CEP170B: variants seen among roughly 807,000 people sequenced by gnomAD.
CEP170B encodes centrosomal protein of 170 kDa protein B.
In CEP170B, 55 loss-of-function variants were observed where a neutral mutation model predicts 120.6. The observed-to-expected ratio is 0.46, with a 90% CI of 0.37 to 0.57. The LOEUF (loss-of-function observed/expected upper bound fraction) is 0.57, where lower values mean the gene tolerates loss of function less well. Ranked by LOEUF, CEP170B falls within the 20% of genes least tolerant of loss-of-function variation. The pLI is 0.00. For synonymous variants in CEP170B, 1,033 were observed against 954.5 expected (o/e 1.08, Z -1.52); for missense variants, 2,212 against 2,253.3 (o/e 0.98, Z 0.37).
In CEP170B at chr14:104,872,297, T is replaced by TGCGTGTGTGC. The variant is rs1433898147; in HGVS notation, c.105+3744_105+3745insGTGTGTGCGC. Among the ~76,000 whole-genome samples, 66 of 78,572 alleles carry TGCGTGTGTGC rather than the reference T, an allele frequency of 8.4e-4. 6 individuals carry two copies. Among genetic ancestry groups the TGCGTGTGTGC allele is most frequent in the African/African-American group, 2.3e-3 (63 of 27,060 alleles). 51.5% of individuals were successfully genotyped at this position (78,572 alleles called of 152,430 possible). On this transcript the variant is annotated intron_variant, in intron 2 of 18. Coordinates refer to ENST00000414716, the MANE Select transcript of CEP170B (RefSeq NM_001112726.3). ...GTGCCGTGTGTGTGCCGCGTGTGTG[T>TGCGTGTGTGC]GCCATGGGTGTGCGTGTGTGCCGTG...
At position 104,870,864 on chromosome 14, in the gene CEP170B, C is replaced by T. The variant is rs1360139504; in HGVS notation, c.105+2309C>T. Among the ~76,000 whole-genome samples, 1 of 152,056 alleles carries T rather than the reference C, an allele frequency of 6.6e-6. No homozygotes were observed. Among genetic ancestry groups the T allele is most frequent in the African/African-American group, 2.4e-5 (1 of 41,398 alleles). On this transcript the variant is annotated intron_variant, in intron 2 of 18. Coordinates refer to ENST00000414716, the MANE Select transcript of CEP170B (RefSeq NM_001112726.3). This position sits in a 1 kb window ranked among gnomAD's most constrained non-coding sequence, Gnocchi z 4.1. ...TGGGGAAACTGAGGCTCAGGGAGGC[C>T]TTGCAGGTGTGGCGAGTGTGGGAAG... is the stretch of plus-strand genomic sequence containing the variant.
chr14:104,889,171 G>A (rs1896665165), intron 12 of CEP170B, among the ~76,000 whole-genome samples: 1 of 152,182 alleles, frequency 6.6e-6, no homozygotes, highest in Admixed American at 6.5e-5. Context: ...GGTCCTGGTG[G>A]GGAGGTTTAC....
intron 12 of CEP170B, 45 bp downstream of exon 12, chr14:104,888,023 C>A: frequency 6.9e-7 from 1 of 1,442,994 alleles, no homozygotes; most frequent in Non-Finnish European, 9.1e-7. Context: ...GACAGGGCTG[C>A]CAGTGGGTCT....
intron 14 of CEP170B, among the ~76,000 whole-genome samples, 160 bp from the exon 15 acceptor site, chr14:104,893,363 C>T (rs1203009621): frequency 6.6e-6 from 1 of 152,248 alleles, no homozygotes; most frequent in Non-Finnish European, 1.5e-5. Flanking sequence ...TCATCCCCAG[C>T]CCAGCTGCCT....
At chr14:104,881,049 G>A (rs932998380) in intron 6 of CEP170B, among the ~76,000 whole-genome samples, 10 of 152,218 alleles carry the variant, frequency 6.6e-5, no homozygotes, top group African/African-American at 2.2e-4. Flanking sequence ...CAGGTGATGG[G>A]GGGGTGAGGC....
intron 2 of CEP170B, among the ~76,000 whole-genome samples, chr14:104,872,926 C>T (rs1384466725): frequency 1.3e-5 from 2 of 152,240 alleles, no homozygotes; most frequent in African/African-American, 2.4e-5. Flanking sequence ...GGGCGTCTTC[C>T]GGCCATGCCA....
intron 2 of CEP170B, among the ~76,000 whole-genome samples, chr14:104,875,588 T>C (rs1056905664): frequency 3.3e-5 from 5 of 152,088 alleles, no homozygotes; most frequent in Admixed American, 1.3e-4. Flanking sequence ...CTCGCAGTGC[T>C]GTGTGGAGTG....
intron 4 of CEP170B, 107 bp downstream of exon 4, chr14:104,878,070 T>A: frequency 1.1e-6 from 1 of 936,882 alleles, no homozygotes; most frequent in Non-Finnish European, 1.7e-6. Context: ...GGTTGCTGGG[T>A]AACAGAGCAC....
In CEP170B at chr14:104,884,177, G is replaced by A. The variant is rs560991102; in HGVS notation, c.1398G>A (p.Ser466=). ...GRSSGPQRAG[S]LKREKTEERL... Reference sequence around the variant, plus strand: ...GCTCGGGGCCACAGAGGGCCGGCTCGCTCAAGCGGGAGAAGACAGAGGAAC... The same window carrying A: ...GCTCGGGGCCACAGAGGGCCGGCTCACTCAAGCGGGAGAAGACAGAGGAAC... The change falls in exon 9 of 19, where the codon TCG becomes TCA. Residue 466 remains serine (S), a synonymous_variant. Transcript: ENST00000414716. 6.3e-5 allele frequency: 98 copies of A among 1,546,738 alleles called. No individual in the cohort carries two copies. Among genetic ancestry groups the A allele is most frequent in the Non-Finnish European group, 7.6e-5 (87 of 1,148,098 alleles).
chr14:104,883,038 G>T lies in CEP170B; in HGVS notation c.581G>T (p.Arg194Leu), dbSNP rs1485048064. 1 of 1,514,750 alleles carries T rather than the reference G, an allele frequency of 6.6e-7. No homozygotes were observed. Among genetic ancestry groups the T allele is most frequent in the Non-Finnish European group, 8.8e-7 (1 of 1,131,570 alleles). The allele number at this position is 1,514,750 out of a possible 1,614,324, so 93.8% of individuals were successfully genotyped here. ...AQRQGEPYPE[R>L]PKGPVQQDGE... ...TGAAGACATCTTCCCACACCAGAGC[G>T]CCCCAAGGGACCAGTGCAGCAGGAC... The change falls in exon 8 of 19, where the codon CGC becomes CTC. Residue 194 changes from arginine (R) to leucine (L), a missense_variant. By Grantham distance (102) the Arg-to-Leu change is moderately radical. Coordinates refer to ENST00000414716, the MANE Select transcript of CEP170B (RefSeq NM_001112726.3).
chr14:104,893,715 C>A, intron 15 of CEP170B, 46 bp from the exon 16 acceptor site: 1 of 1,584,850 alleles, frequency 6.3e-7, no homozygotes, highest in Non-Finnish European at 8.6e-7. Context: ...GGAGCAGGGG[C>A]GGGGCTCCTC....
In CEP170B at chr14:104,868,591, G is replaced by A; in HGVS notation, c.105+36G>A. The A allele has an allele frequency of 6.5e-7, 1 of 1,532,906 alleles. No individual in the cohort carries two copies. The highest frequency in any genetic ancestry group is 2.5e-5 in the East Asian group (1 of 40,802). 95.0% of individuals were successfully genotyped at this position (1,532,906 alleles called of 1,614,324 possible). A position where few individuals can be genotyped will look rare whatever the true frequency, so the allele number is the denominator to read the frequency against. ...AGCGCTTGGGGCCAGGAGGGTAGGGGGTAGACAGTCTGTCCCTGTGGAGGC... is the reference window on the plus strand; with the variant it reads ...AGCGCTTGGGGCCAGGAGGGTAGGGAGTAGACAGTCTGTCCCTGTGGAGGC... On this transcript the variant is annotated intron_variant, in intron 2 of 18. Transcript: ENST00000414716. This position sits in a 1 kb window ranked among gnomAD's most constrained non-coding sequence, Gnocchi z 5.9.
chr14:104,866,771 T>C (rs921929399), intron 1 of CEP170B, among the ~76,000 whole-genome samples: 1 of 152,126 alleles, frequency 6.6e-6, no homozygotes, highest in Non-Finnish European at 1.5e-5. Flanking sequence ...CTGAAGACCT[T>C]GGGCGTGGGC....
Position 104,886,325 on chromosome 14 carries a change from C to T in CEP170B, c.2086C>T (p.Arg696Cys), listed in dbSNP as rs989439867. The T allele has an allele frequency of 3.9e-6, 6 of 1,551,036 alleles. No homozygotes were observed. Among genetic ancestry groups the T allele is most frequent in the African/African-American group, 1.4e-5 (1 of 73,798 alleles). ...GGEPEGSLPV[R>C]MRRRLPQLPS... ...GGAGCCGGAGGGGTCCCTGCCTGTGCGCATGCGGCGACGGCTCCCTCAGCT... is the reference window on the plus strand; with the variant it reads ...GGAGCCGGAGGGGTCCCTGCCTGTGTGCATGCGGCGACGGCTCCCTCAGCT... The change falls in exon 12 of 19, where the codon CGC (arginine) becomes TGC (cysteine). Residue 696 changes from arginine to cysteine, a missense_variant. Transcript: ENST00000414716.
At chr14:104,877,727 C>T (rs747297329) in intron 3 of CEP170B, among the ~76,000 whole-genome samples, 158 bp from the exon 4 acceptor site, 14 of 152,180 alleles carry the variant, frequency 9.2e-5, no homozygotes, top group Non-Finnish European at 1.9e-4. Flanking sequence ...TGGGACAGTG[C>T]TGCACAGGCC....
In CEP170B at chr14:104,885,349, G is replaced by A; in HGVS notation, c.1771-20G>A. ...GGGCTTCTCTGACCCTCGGTGCCTG[G>A]GACCATTTCCTCTTGGCAGGTCTTT... On this transcript the variant is annotated intron_variant, in intron 9 of 18. Coordinates refer to ENST00000414716, the MANE Select transcript of CEP170B (RefSeq NM_001112726.3). The A allele has an allele frequency of 6.5e-7, 1 of 1,541,456 alleles. No individual in the cohort carries two copies. Among genetic ancestry groups the A allele is most frequent in the Non-Finnish European group, 8.7e-7 (1 of 1,145,658 alleles).
chr14:104,887,825 T>C lies in CEP170B; in HGVS notation c.3586T>C (p.Ser1196Pro). ...GGCAGCCCCTGCCCGCACCAGCTTC[T>C]CTGGCCGCAGTGTGGAGTTGTGCTG... is the stretch of plus-strand genomic sequence containing the variant. ...PEAAPARTSF[S>P]GRSVELCCAS... is the part of the protein sequence containing the mutation. The change falls in exon 12 of 19, where the codon TCT becomes CCT. Residue 1196 changes from serine (S) to proline (P), a missense_variant. Ser to Pro is a moderately conservative substitution (Grantham distance 74). Transcript: ENST00000414716. The C allele has an allele frequency of 6.3e-7, 1 of 1,586,438 alleles. No individual in the cohort carries two copies. Among genetic ancestry groups the C allele is most frequent in the Non-Finnish European group, 8.5e-7 (1 of 1,169,792 alleles).
At chr14:104,884,636 G>T in intron 9 of CEP170B, 87 bp downstream of exon 9, 1 of 1,255,676 alleles carries the variant, frequency 8.0e-7, no homozygotes, top group Non-Finnish European at 1.1e-6. Context: ...CCCTCGTGGG[G>T]AACGGGGGGT....
chr14:104,885,050 G>A (rs1383153628), intron 9 of CEP170B, among the ~76,000 whole-genome samples: 2 of 129,334 alleles, frequency 1.5e-5, no homozygotes, highest in Admixed American at 8.1e-5. Flanking sequence ...CGTGGGGAAC[G>A]GGGGGTGGAG....
Sources: gnomAD v4.1 joint callset for allele counts (sites outside exome capture counted in the v4.1 genomes callset) on GRCh38, gnomAD v4.1.1 for gene constraint, Gnocchi (gnomAD v3.1) non-coding constraint, MANE v1.5 for transcripts, NCBI Gene and HGNC (gene_info 2026-07-23, HGNC 2026-07-21) for gene names.